Variants in PTPRM observed in about 807,000 individuals in gnomAD.
The protein encoded by PTPRM is protein tyrosine phosphatase receptor type M, also known as receptor-type tyrosine-protein phosphatase mu.
PTPRM carries 47 observed loss-of-function variants against 186.7 expected under a neutral mutation model. The observed-to-expected ratio is 0.25, with a 90% CI of 0.20 to 0.32. PTPRM has a LOEUF of 0.32. PTPRM is among the 10% of genes least tolerant of loss of function. The pLI, the probability that PTPRM is intolerant of heterozygous loss-of-function variation, is 1.00. For synonymous variants in PTPRM, 668 were observed against 674.9 expected (o/e 0.99, Z 0.16); for missense variants, 1,494 against 1,865.0 (o/e 0.80, Z 3.66).
chr18:8,389,010 A>T (rs2095795348), intron 31 of PTPRM, among the ~76,000 whole-genome samples: 1 of 152,176 alleles, frequency 6.6e-6, no homozygotes, highest in Admixed American at 6.5e-5. Context: ...AAAAGAATTC[A>T]TTAGCAGTCC....
chr18:8,210,669 TC>T (rs2093991134), intron 14 of PTPRM, among the ~76,000 whole-genome samples: 2 of 152,166 alleles, frequency 1.3e-5, no homozygotes, highest in Admixed American at 6.5e-5. Context: ...ACTGTAGAGT[TC>T]AAAGGAGAGA....
At chr18:8,343,337 A>G in intron 22 of PTPRM, 86 bp from the exon 23 acceptor site, 1 of 1,100,624 alleles carries the variant, frequency 9.1e-7, no homozygotes, top group South Asian at 1.4e-5. Flanking sequence ...GCATGTGGGT[A>G]TTAATAGATG....
chr18:7,965,293 G>A (rs577114452), intron 7 of PTPRM, among the ~76,000 whole-genome samples: 23 of 152,238 alleles, frequency 1.5e-4, no homozygotes, highest in Middle Eastern at 3.4e-3. Flanking sequence ...TGATCTACCC[G>A]CCTTGGCCTC....
At chr18:7,710,343 G>T (rs1431511661) in intron 1 of PTPRM, among the ~76,000 whole-genome samples, 1 of 152,118 alleles carries the variant, frequency 6.6e-6, no homozygotes, top group Non-Finnish European at 1.5e-5. Context: ...ACAAAATCTG[G>T]CATCCCTTTA....
At chr18:8,073,052 T>C (rs543722286) in intron 8 of PTPRM, among the ~76,000 whole-genome samples, 1 of 152,328 alleles carries the variant, frequency 6.6e-6, no homozygotes, top group East Asian at 1.9e-4. Context: ...TTCTGAGATA[T>C]CCTCTTCCTA....
rs1178603481 is a variant in PTPRM, at chr18:8,125,976, CATATATATATAT to C, written c.2167+11190_2167+11201del. On this transcript the variant is annotated intron_variant, in intron 13 of 32. Transcript: ENST00000580170. The stretch of plus-strand genomic sequence containing the variant: ...GGAGAATGCTATATGTGTGTGTATA[CATATATATATAT>C]ATATATATATATATATATATATATA... 5.1e-3 allele frequency among the ~76,000 whole-genome samples: 304 copies of C among 59,702 alleles called. 7 individuals carry two copies. The highest frequency in any genetic ancestry group is 0.015 in the African/African-American group (263 of 17,950). The allele number at this position is 59,702 out of a possible 152,430, so 39.2% of individuals were successfully genotyped here.
chr18:8,024,795 C>T (rs1192216496), intron 7 of PTPRM, among the ~76,000 whole-genome samples: 2 of 151,238 alleles, frequency 1.3e-5, no homozygotes, highest in Non-Finnish European at 2.9e-5. Flanking sequence ...GCAATCCTTC[C>T]ACCTCAGCCC....
chr18:7,589,897 A>G (rs2143612868), intron 1 of PTPRM, among the ~76,000 whole-genome samples: 1 of 152,342 alleles, frequency 6.6e-6, no homozygotes, highest in East Asian at 1.9e-4. Flanking sequence ...CTTTGAGAGA[A>G]CAAGAAGCAG....
At chr18:8,210,416 C>T (rs990225696) in intron 14 of PTPRM, among the ~76,000 whole-genome samples, 7 of 152,112 alleles carry the variant, frequency 4.6e-5, no homozygotes, top group East Asian at 1.9e-4. Flanking sequence ...TGGAGGGGTC[C>T]TGCCACAACC....
rs188482906 is a variant in PTPRM, at chr18:8,389,141, A to G, written c.4208+1906A>G. 7.2e-5 allele frequency among the ~76,000 whole-genome samples: 11 copies of G among 152,318 alleles called. No individual in the cohort carries two copies. The East Asian group carries it at 1.9e-3, about 27-fold the overall frequency. Reference sequence around the variant, plus strand: ...ACATTGTAGTTCGTTTGTATTAGATATATCAGATTTTTCTAAAATACTAAA... The same window carrying G: ...ACATTGTAGTTCGTTTGTATTAGATGTATCAGATTTTTCTAAAATACTAAA... On this transcript the variant is annotated intron_variant, in intron 31 of 32. Transcript: ENST00000580170.
chr18:7,966,596 C>T (rs568336008), intron 7 of PTPRM, among the ~76,000 whole-genome samples: 66 of 140,200 alleles, frequency 4.7e-4, no homozygotes, highest in South Asian at 2.3e-4. Flanking sequence ...TCAGTGGGTG[C>T]GCGCACCGTG....
At chr18:7,753,077 A>G (rs2041300335) in intron 1 of PTPRM, among the ~76,000 whole-genome samples, 1 of 152,120 alleles carries the variant, frequency 6.6e-6, no homozygotes, top group African/African-American at 2.4e-5. Context: ...AACCAAAACC[A>G]GTTTGGAAGG....
chr18:7,896,936 G>C (rs1345007829), intron 3 of PTPRM, among the ~76,000 whole-genome samples: 1 of 152,158 alleles, frequency 6.6e-6, no homozygotes, highest in African/African-American at 2.4e-5. Context: ...TTTCTTTGCT[G>C]TATTTGCCTT....
At chr18:7,708,427 A>G (rs2040142229) in intron 1 of PTPRM, among the ~76,000 whole-genome samples, 1 of 152,232 alleles carries the variant, frequency 6.6e-6, no homozygotes, top group East Asian at 1.9e-4. Context: ...TTAAGAGAAT[A>G]ACATCCTTTG....
chr18:8,212,778 C>G (rs994469290), intron 14 of PTPRM, among the ~76,000 whole-genome samples: 11 of 152,158 alleles, frequency 7.2e-5, no homozygotes, highest in African/African-American at 2.7e-4. Context: ...TGCGCTCTAG[C>G]CTGGGTGACA....
intron 2 of PTPRM, among the ~76,000 whole-genome samples, chr18:7,878,480 G>A (rs887140574): frequency 1.3e-5 from 2 of 152,192 alleles, no homozygotes; most frequent in Non-Finnish European, 2.9e-5. Context: ...GTGGGGAGCT[G>A]TCAATCAGGG....
At chr18:8,276,948 T>G in intron 19 of PTPRM, among the ~76,000 whole-genome samples, 1 of 151,272 alleles carries the variant, frequency 6.6e-6, no homozygotes, top group Non-Finnish European at 1.5e-5. Context: ...AACTGTAATT[T>G]TTTTTTTTTT....
intron 1 of PTPRM, among the ~76,000 whole-genome samples, chr18:7,700,336 T>C (rs1282242464): frequency 6.6e-6 from 1 of 152,126 alleles, no homozygotes; most frequent in Non-Finnish European, 1.5e-5. Flanking sequence ...TTTTATGCCT[T>C]GTAGAACCCA....
chr18:7,714,801 C>A (rs1221121214), intron 1 of PTPRM, among the ~76,000 whole-genome samples: 2 of 152,160 alleles, frequency 1.3e-5, no homozygotes, highest in African/African-American at 4.8e-5. Flanking sequence ...CATACACCCT[C>A]CCAAGACTAA....
Sources: gnomAD v4.1 joint callset for allele counts (sites outside exome capture counted in the v4.1 genomes callset) on GRCh38, gnomAD v4.1.1 for gene constraint, MANE v1.5 for transcripts, NCBI Gene and HGNC (gene_info 2026-07-23, HGNC 2026-07-21) for gene names.